Variants in NRXN3 observed in about 807,000 individuals in gnomAD.
NRXN3 encodes neurexin 3.
In NRXN3, 32 loss-of-function variants were observed where a neutral mutation model predicts 137.6. The observed-to-expected ratio is 0.23, with a 90% CI of 0.18 to 0.31. The LOEUF (loss-of-function observed/expected upper bound fraction) is 0.31, where lower values mean the gene tolerates loss of function less well. NRXN3 is among the 10% of genes least tolerant of loss of function. The pLI is 1.00. For synonymous variants in NRXN3, 798 were observed against 784.5 expected (o/e 1.02, Z -0.29); for missense variants, 1,574 against 2,062.5 (o/e 0.76, Z 4.59).
chr14:79,330,405 G>C (rs1306000116), intron 15 of NRXN3, among the ~76,000 whole-genome samples: 1 of 152,130 alleles, frequency 6.6e-6, no homozygotes, highest in Non-Finnish European at 1.5e-5. Context: ...TGCCCGGAAG[G>C]CTGCAAAATG....
At chr14:78,637,131 C>G (rs2097574246) in intron 4 of NRXN3, among the ~76,000 whole-genome samples, 1 of 152,158 alleles carries the variant, frequency 6.6e-6, no homozygotes, top group African/African-American at 2.4e-5. Context: ...TGCTAATTCC[C>G]CATCCCCAGT....
At chr14:79,681,051 C>T (rs73329951) in intron 17 of NRXN3, among the ~76,000 whole-genome samples, 4,000 of 152,228 alleles carry the variant, frequency 0.026, 144 homozygotes, top group African/African-American at 0.09. Context: ...TCAGCCTTAC[C>T]CTCTCCTCTC....
intron 15 of NRXN3, among the ~76,000 whole-genome samples, chr14:79,242,115 T>C (rs1021111727): frequency 6.6e-6 from 1 of 151,942 alleles, no homozygotes; most frequent in African/African-American, 2.4e-5. Context: ...GGTAAATCAC[T>C]GTAATTAGCA....
chr14:78,299,636 C>T lies in NRXN3; in HGVS notation c.757+1776C>T, dbSNP rs77481226. 7.7e-3 allele frequency among the ~76,000 whole-genome samples: 1,168 copies of T among 152,144 alleles called. 13 individuals are homozygous for T. The highest frequency in any genetic ancestry group is 0.027 in the African/African-American group (1,124 of 41,504). ...AATGGGATAGGCTGATGGGGACTTC[C>T]TTGATCTTGATTTAACTTATTGCAG... On this transcript the variant is annotated intron_variant, in intron 4 of 20. Transcript: ENST00000335750.
chr14:79,356,727 A>C (rs1213023604), intron 15 of NRXN3, among the ~76,000 whole-genome samples: 1 of 151,894 alleles, frequency 6.6e-6, no homozygotes, highest in Non-Finnish European at 1.5e-5. Context: ...TGTTCAATTT[A>C]CTTTTTTTTC....
chr14:79,211,334 G>A (rs1273705473), intron 15 of NRXN3, among the ~76,000 whole-genome samples: 1 of 152,092 alleles, frequency 6.6e-6, no homozygotes, highest in African/African-American at 2.4e-5. Flanking sequence ...TGTTTTTATT[G>A]GGAAGAAATG....
At chr14:79,486,167 CT>C (rs772063913) in intron 16 of NRXN3, among the ~76,000 whole-genome samples, 6 of 152,084 alleles carry the variant, frequency 3.9e-5, no homozygotes, top group Non-Finnish European at 7.4e-5. Flanking sequence ...CCAGGTCATT[CT>C]GCATTTTGTC....
intron 15 of NRXN3, among the ~76,000 whole-genome samples, chr14:79,030,731 C>T (rs1277200859): frequency 1.5e-5 from 2 of 135,618 alleles, no homozygotes; most frequent in East Asian, 4.7e-4. Flanking sequence ...CTCTGTCTTC[C>T]TGATTTCATT....
chr14:78,929,694 C>T (rs2099316274), intron 10 of NRXN3, among the ~76,000 whole-genome samples: 1 of 152,072 alleles, frequency 6.6e-6, no homozygotes, highest in African/African-American at 2.4e-5. Flanking sequence ...ATTTATATTC[C>T]TTTGGGTATA....
At chr14:78,403,830 T>TGCAC in intron 4 of NRXN3, 2 of 985,398 alleles carry the variant, frequency 2.0e-6, no homozygotes, top group Non-Finnish European at 2.4e-6. Flanking sequence ...CTCAGGGATA[T>TGCAC]GCACTCTGCA....
chr14:78,604,405 A>G lies in NRXN3; in HGVS notation c.758-40715A>G, dbSNP rs1018199253. ...AATATCCCTAAATACTTACGGTATC[A>G]TTGTAAAGAGAAATAACCCAAGAAG... is the stretch of plus-strand genomic sequence containing the variant. On this transcript the variant is annotated intron_variant, in intron 4 of 20. Coordinates refer to ENST00000335750, the MANE Select transcript of NRXN3 (RefSeq NM_001330195.2). 2.0e-5 allele frequency among the ~76,000 whole-genome samples: 3 copies of G among 151,948 alleles called. No homozygotes were observed. The South Asian group carries it at 6.2e-4, about 31-fold the overall frequency.
Position 78,472,786 on chromosome 14 carries a change from T to TA in NRXN3, c.758-172333dup, listed in dbSNP as rs1307303927. ...TTTAAGATAAAGGACAGGGGCTCCC[T>TA]ATTCTGCCACTGTGCTGGCTTGTCT... On this transcript the variant is annotated intron_variant, in intron 4 of 20. Coordinates refer to ENST00000335750, the MANE Select transcript of NRXN3 (RefSeq NM_001330195.2). Among the ~76,000 whole-genome samples the TA allele has an allele frequency of 2.0e-5, 3 of 152,206 alleles. No individual in the cohort carries two copies. The East Asian group carries it at 5.8e-4, about 29-fold the overall frequency.
At chr14:79,133,067 C>G (rs959652826) in intron 15 of NRXN3, among the ~76,000 whole-genome samples, 1 of 152,224 alleles carries the variant, frequency 6.6e-6, no homozygotes, top group African/African-American at 2.4e-5. Flanking sequence ...GGACAGCACT[C>G]TTTGCAGCTC....
chr14:79,205,288 G>A lies in NRXN3; in HGVS notation c.3262+217147G>A, dbSNP rs139966490. Among the ~76,000 whole-genome samples, 982 of 152,210 alleles carry A rather than the reference G, an allele frequency of 6.5e-3. 2 individuals are homozygous for A. Among genetic ancestry groups the A allele is most frequent in the Middle Eastern group, 0.017 (5 of 294 alleles). ...TTTCATTCAATCCATTTAACAGTTA[G>A]TTGTATTTTTCAATTCTAATTAACA... On this transcript the variant is annotated intron_variant, in intron 15 of 20. Transcript: ENST00000335750.
intron 15 of NRXN3, among the ~76,000 whole-genome samples, chr14:79,390,083 C>T (rs954781947): frequency 6.6e-6 from 1 of 151,758 alleles, no homozygotes; most frequent in Admixed American, 6.6e-5. Context: ...TTTGGGAGGC[C>T]GAGGCTGGTG....
intron 15 of NRXN3, among the ~76,000 whole-genome samples, chr14:79,376,283 C>CA (rs534096235): frequency 8.3e-6 from 1 of 119,944 alleles, no homozygotes; most frequent in African/African-American, 3.1e-5. Context: ...CATATGACTC[C>CA]AAAAACAATT....
intron 4 of NRXN3, among the ~76,000 whole-genome samples, chr14:78,499,597 A>G (rs946921317): frequency 6.6e-6 from 1 of 152,218 alleles, no homozygotes; most frequent in Non-Finnish European, 1.5e-5. Context: ...TTTAAGAGTC[A>G]GGAATCTGGG....
Position 79,509,215 on chromosome 14 carries a change from A to G in NRXN3, c.3444+41813A>G, listed in dbSNP as rs141904274. Among the ~76,000 whole-genome samples, 443 of 152,166 alleles carry G rather than the reference A, an allele frequency of 2.9e-3. 3 individuals are homozygous for G. Among genetic ancestry groups the G allele is most frequent in the African/African-American group, 0.01 (420 of 41,516 alleles). On this transcript the variant is annotated intron_variant, in intron 16 of 20. Coordinates refer to ENST00000335750, the MANE Select transcript of NRXN3 (RefSeq NM_001330195.2). ...TCTCAAAAATAATAATAATAATAAT[A>G]ATGCTTTGTGCATTTCAAAATTACT...
chr14:78,485,585 T>C (rs1042544613), intron 4 of NRXN3, among the ~76,000 whole-genome samples: 40 of 152,370 alleles, frequency 2.6e-4, no homozygotes, highest in African/African-American at 9.4e-4. Flanking sequence ...TTGTTGCTAT[T>C]ACATCAGCAT....
Sources: gnomAD v4.1 joint callset for allele counts (sites outside exome capture counted in the v4.1 genomes callset) on GRCh38, gnomAD v4.1.1 for gene constraint, MANE v1.5 for transcripts, NCBI Gene and HGNC (gene_info 2026-07-23, HGNC 2026-07-21) for gene names.